RAP1A: variants seen among roughly 807,000 people sequenced by gnomAD.
RAP1A encodes the protein RAP1A, member of RAS oncogene family.
Under a neutral mutation model 26.4 loss-of-function variants are expected in RAP1A, and 6 were observed. The ratio of observed to expected loss-of-function variants is 0.23; its 90% confidence interval spans 0.12 to 0.45. RAP1A has a LOEUF of 0.45. RAP1A is among the 20% of genes least tolerant of loss of function. The pLI is 0.99. For synonymous variants in RAP1A, 73 were observed against 79.4 expected, an observed-to-expected ratio of 0.92 and a Z score of 0.43; for missense variants, 121 against 217.2, an observed-to-expected ratio of 0.56 and a Z score of 2.78.
chr1:111,638,763 G>C (rs2101115159), intron 1 of RAP1A, among the ~76,000 whole-genome samples: 1 of 151,990 alleles, frequency 6.6e-6, no homozygotes, highest in Admixed American at 6.6e-5. Context: ...GCCTACTCTG[G>C]TATTGGACCA....
rs142529708 is a variant in RAP1A, at chr1:111,585,535, A to T, written c.-28+43026A>T. 1.2e-4 allele frequency among the ~76,000 whole-genome samples: 19 copies of T among 152,264 alleles called. No homozygotes were observed. The East Asian group carries it at 3.7e-3, about 29-fold the overall frequency. On this transcript the variant is annotated intron_variant, in intron 1 of 7. Transcript: ENST00000356415. Reference sequence around the variant, plus strand: ...TTTTTGATGTCAGTCTGAGCCATCAAGCCATTATGTAATTTTTATCTTTTC... The same window carrying T: ...TTTTTGATGTCAGTCTGAGCCATCATGCCATTATGTAATTTTTATCTTTTC...
At chr1:111,612,389 G>A (rs1453020524) in intron 1 of RAP1A, among the ~76,000 whole-genome samples, 1 of 152,228 alleles carries the variant, frequency 6.6e-6, no homozygotes. Context: ...GAATCAGTGG[G>A]CTAGAACTTA....
chr1:111,619,639 G>C (rs896745107), upstream of RAP1A: 7 of 390,232 alleles, frequency 1.8e-5, no homozygotes, highest in East Asian at 3.6e-5. Flanking sequence ...GGCTTTCCCG[G>C]CTCCAGTGTG....
intron 1 of RAP1A, among the ~76,000 whole-genome samples, chr1:111,584,905 A>G (rs1002169932): frequency 6.6e-6 from 1 of 152,198 alleles, no homozygotes; most frequent in Non-Finnish European, 1.5e-5. Flanking sequence ...AAATCTCACT[A>G]CAAGAGTCTG....
chr1:111,576,055 C>T (rs1658142386), intron 1 of RAP1A, among the ~76,000 whole-genome samples: 1 of 152,226 alleles, frequency 6.6e-6, no homozygotes, highest in African/African-American at 2.4e-5. Flanking sequence ...ATTCTCTGCA[C>T]TGGGATCATG....
At chr1:111,619,330 C>A (rs1659088680), upstream of RAP1A, among the ~76,000 whole-genome samples, 1 of 152,228 alleles carries the variant, frequency 6.6e-6, no homozygotes, top group African/African-American at 2.4e-5. Context: ...TTTCTCCACA[C>A]CACTTATCAC....
intron 1 of RAP1A, among the ~76,000 whole-genome samples, chr1:111,601,630 A>G (rs924778256): frequency 1.4e-4 from 21 of 152,328 alleles, no homozygotes; most frequent in African/African-American, 4.8e-4. Context: ...TCTATGTACC[A>G]TCTTCCCTGA....
intron 1 of RAP1A, among the ~76,000 whole-genome samples, chr1:111,590,379 C>T (rs1009715020): frequency 6.6e-6 from 1 of 152,160 alleles, no homozygotes; most frequent in African/African-American, 2.4e-5. Context: ...AATATTTAAC[C>T]ATTAAGCATG....
At chr1:111,651,637 C>T (rs1660275038) in intron 1 of RAP1A, among the ~76,000 whole-genome samples, 1 of 151,956 alleles carries the variant, frequency 6.6e-6, no homozygotes, top group Non-Finnish European at 1.5e-5. Flanking sequence ...CCACCATGCC[C>T]AGCTGATTTT....
At chr1:111,555,609 G>A (rs778134545) in intron 1 of RAP1A, among the ~76,000 whole-genome samples, 4 of 151,682 alleles carry the variant, frequency 2.6e-5, no homozygotes, top group Admixed American at 6.6e-5. Context: ...GAAGTGAGAG[G>A]TATGTATGTA....
intron 1 of RAP1A, among the ~76,000 whole-genome samples, chr1:111,664,775 G>A (rs190892972): frequency 9.2e-5 from 14 of 152,272 alleles, no homozygotes; most frequent in East Asian, 1.9e-4. Flanking sequence ...AGTTTAAATC[G>A]TGGCTTTTCT....
At chr1:111,588,369 C>T (rs1658418544) in intron 1 of RAP1A, among the ~76,000 whole-genome samples, 1 of 152,180 alleles carries the variant, frequency 6.6e-6, no homozygotes, top group Admixed American at 6.5e-5. Context: ...TGCCACATAC[C>T]ACATTACTAC....
intron 1 of RAP1A, among the ~76,000 whole-genome samples, chr1:111,637,901 T>G (rs1282748889): frequency 6.6e-6 from 1 of 152,094 alleles, no homozygotes; most frequent in African/African-American, 2.4e-5. Context: ...ATTATTTCTG[T>G]AGGATAAATT....
chr1:111,670,559 A>G (rs1008817801), intron 1 of RAP1A, among the ~76,000 whole-genome samples: 8 of 152,172 alleles, frequency 5.3e-5, no homozygotes, highest in African/African-American at 1.9e-4. Flanking sequence ...AGAATAAACT[A>G]AAGAAAGGAA....
At chr1:111,638,578 A>G (rs1571517052) in intron 1 of RAP1A, among the ~76,000 whole-genome samples, 1 of 152,212 alleles carries the variant, frequency 6.6e-6, no homozygotes, top group Non-Finnish European at 1.5e-5. Context: ...GCGCATGCCA[A>G]CATGCCTGGC....
upstream of RAP1A, chr1:111,542,095 T>C (rs1656850881): frequency 9.4e-6 from 2 of 212,994 alleles, no homozygotes; most frequent in South Asian, 1.1e-4. Context: ...CTTTTTTTTT[T>C]TTTTTGAAGG....
intron 6 of RAP1A, among the ~76,000 whole-genome samples, chr1:111,708,232 C>G (rs756469598): frequency 1.9e-5 from 2 of 107,692 alleles, no homozygotes; most frequent in Non-Finnish European, 3.7e-5. Flanking sequence ...CAAGGATTAG[C>G]AGACTTTTTC....
In RAP1A at chr1:111,695,256, A is replaced by G. The variant is rs1053528762; in HGVS notation, c.58-85A>G. On this transcript the variant is annotated intron_variant, in intron 2 of 7. Transcript: ENST00000369709. Reference sequence around the variant, plus strand: ...TACCCAGAATTTTCACATAATTTCAATTAATCATTATAATTTGTAGGTTAA... The same window carrying G: ...TACCCAGAATTTTCACATAATTTCAGTTAATCATTATAATTTGTAGGTTAA... 3.0e-6 allele frequency: 3 copies of G among 992,658 alleles called. No individual in the cohort carries two copies. In the African/African-American group the frequency reaches 5.2e-5, roughly 17 times the overall value. 61.5% of individuals were successfully genotyped at this position (992,658 alleles called of 1,614,324 possible).
intron 3 of RAP1A, among the ~76,000 whole-genome samples, chr1:111,696,997 A>T (rs985692725): frequency 6.6e-6 from 1 of 152,194 alleles, no homozygotes; most frequent in Non-Finnish European, 1.5e-5. Flanking sequence ...CAACTTGAAC[A>T]TGGTAAGTTG....
Sources: gnomAD v4.1 joint callset for allele counts (sites outside exome capture counted in the v4.1 genomes callset) on GRCh38, gnomAD v4.1.1 for gene constraint, MANE v1.5 for transcripts, NCBI Gene and HGNC (gene_info 2026-07-23, HGNC 2026-07-21) for gene names.